KLHL4: variants seen among roughly 807,000 people sequenced by gnomAD.
KLHL4 encodes the protein kelch-like protein 4.
Under a neutral mutation model 45.8 loss-of-function variants are expected in KLHL4, and 17 were observed. The observed-to-expected ratio is 0.37, with a 90% CI of 0.25 to 0.56. The LOEUF is 0.56. KLHL4 is among the 20% of genes least tolerant of loss of function. The probability of loss-of-function intolerance (pLI) is 0.79; values close to 1 mark genes in which losing one functional copy is unlikely to be tolerated. For synonymous variants in KLHL4, 224 were observed against 189.9 expected (o/e 1.18, Z -1.47); for missense variants, 544 against 544.9 (o/e 1.00, Z 0.02).
At chrX:87,567,795 G>C (rs759223719) in intron 1 of KLHL4, among the ~76,000 whole-genome samples, 1 of 109,454 alleles carries the variant, frequency 9.1e-6, no homozygotes, top group African/African-American at 3.3e-5. Context: ...ATGGACACTG[G>C]GGACTTCTGG....
At chrX:87,562,817 A>G (rs897194725) in intron 1 of KLHL4, among the ~76,000 whole-genome samples, 38 of 111,747 alleles carry the variant, frequency 3.4e-4, no homozygotes, top group Non-Finnish European at 6.6e-4. Flanking sequence ...GTGAAAACAA[A>G]TAGTGTGCTG....
At chrX:87,625,014 G>A (rs970550452) in intron 5 of KLHL4, among the ~76,000 whole-genome samples, 1 of 112,471 alleles carries the variant, frequency 8.9e-6, no homozygotes, top group Non-Finnish European at 1.9e-5. Context: ...ATTGCTACTT[G>A]TATTAGCCAC....
At position 87,518,034 on chromosome X, in the gene KLHL4, G is replaced by A. The variant is rs1176580592; in HGVS notation, c.141G>A (p.Pro47=). The change falls in exon 1 of 11, where the codon CCG becomes CCA. Residue 47 remains proline, a synonymous_variant. Transcript: ENST00000373119. The stretch of plus-strand genomic sequence containing the variant: ...AAGGATATGAGCATAGAGGGACCCC[G>A]GTTCAGGGCAGGTTGAAGAGCCACT... ...QQEGYEHRGT[P]VQGRLKSHSR... is the part of the protein sequence containing the mutation. 2 of 1,209,578 alleles carry A rather than the reference G, an allele frequency of 1.7e-6. No homozygotes were observed.
intron 1 of KLHL4, among the ~76,000 whole-genome samples, chrX:87,589,859 G>T (rs1019490931): frequency 6.5e-5 from 6 of 92,202 alleles, no homozygotes; most frequent in Non-Finnish European, 1.1e-4. Context: ...GAGAAACCCC[G>T]TCTCTACTAA....
rs1468194518 is a variant in KLHL4 at position 87,622,360 on chromosome X, G to A, written c.1074G>A (p.Gln358=). Residue 358 remains glutamine, a synonymous_variant, in exon 5 of 11, where the codon CAG becomes CAA. Transcript: ENST00000373119. The part of the protein sequence containing the change: ...ALMQWVGHDV[Q]NRQGELGMLL... ...TGCAGTGGGTGGGGCATGATGTGCA[G>A]AATAGGCAAGGAGAACTGGGGATGC... 2 of 1,207,616 alleles carry A rather than the reference G, an allele frequency of 1.7e-6. No individual in the cohort carries two copies. Among genetic ancestry groups the A allele is most frequent in the Non-Finnish European group, 2.2e-6 (2 of 893,837 alleles).
rs1930920581 is a variant in KLHL4, at chrX:87,517,975, G to A, written c.82G>A (p.Gly28Ser). 8.3e-7 allele frequency: 1 copy of A among 1,209,707 alleles called. No homozygotes were observed. The highest frequency in any genetic ancestry group is 2.2e-5 in the Admixed American group (1 of 45,648). ...RWRWFSHPFQ[G>S]STNTGSCLQQ... is the part of the protein sequence containing the mutation. ...GAGGTGGTTTAGTCATCCTTTTCAA[G>A]GTTCCACCAACACTGGAAGCTGTCT... The change falls in exon 1 of 11, where the codon GGT becomes AGT. Residue 28 changes from glycine (G) to serine (S), a missense_variant. Physicochemically the swap from Gly to Ser is moderately conservative, Grantham distance 56 (BLOSUM62 0). Coordinates refer to ENST00000373119, the MANE Select transcript of KLHL4 (RefSeq NM_019117.5).
chrX:87,638,610 A>G (rs1923346771), intron 9 of KLHL4, among the ~76,000 whole-genome samples: 1 of 111,863 alleles, frequency 8.9e-6, no homozygotes, highest in Non-Finnish European at 1.9e-5. Context: ...AAATGAAGGA[A>G]AGATAGAGTC....
intron 1 of KLHL4, among the ~76,000 whole-genome samples, chrX:87,534,884 G>T (rs5967846): frequency 0.26 from 28,982 of 110,900 alleles, 3,071 homozygotes; most frequent in East Asian, 0.52. Context: ...TTATGAATCT[G>T]ATAAAGAGAT....
chrX:87,591,006 G>A (rs952650749), intron 1 of KLHL4, among the ~76,000 whole-genome samples: 6 of 111,841 alleles, frequency 5.4e-5, no homozygotes, highest in Non-Finnish European at 1.1e-4. Flanking sequence ...TATGTACTCA[G>A]TAGAGAGATT....
intron 9 of KLHL4, among the ~76,000 whole-genome samples, chrX:87,640,097 A>G (rs1923403292): frequency 9.0e-6 from 1 of 111,283 alleles, no homozygotes; most frequent in Non-Finnish European, 1.9e-5. Flanking sequence ...CCTAGAGGTG[A>G]TGGATAAATT....
intron 3 of KLHL4, among the ~76,000 whole-genome samples, chrX:87,616,407 A>C (rs937315587): frequency 1.3e-4 from 15 of 111,912 alleles, no homozygotes; most frequent in Admixed American, 2.9e-4. Context: ...TATGCTCTAA[A>C]ATTTCAATAA....
chrX:87,531,415 C>A (rs1009416767), intron 1 of KLHL4, among the ~76,000 whole-genome samples: 1 of 111,289 alleles, frequency 9.0e-6, no homozygotes, highest in African/African-American at 3.3e-5. Context: ...ACGTTTAAGT[C>A]TTTAATCCAC....
chrX:87,615,455 C>G (rs5969271), intron 3 of KLHL4, among the ~76,000 whole-genome samples: 41,111 of 109,794 alleles, frequency 0.37, 5,951 homozygotes, highest in Middle Eastern at 0.47. Context: ...AAATAGTTAC[C>G]TTATAACTTA....
chrX:87,641,001 A>C (rs1028864352), intron 9 of KLHL4, among the ~76,000 whole-genome samples: 1 of 112,492 alleles, frequency 8.9e-6, no homozygotes. Context: ...GTTTCAGGTT[A>C]CAAAATTAAT....
At chrX:87,648,914 A>G (rs905706721) in intron 9 of KLHL4, among the ~76,000 whole-genome samples, 1 of 111,643 alleles carries the variant, frequency 9.0e-6, no homozygotes, top group Non-Finnish European at 1.9e-5. Context: ...ATACACTATA[A>G]TACTATAATG....
chrX:87,628,378 C>T (rs1356758937), intron 6 of KLHL4, among the ~76,000 whole-genome samples: 4 of 108,474 alleles, frequency 3.7e-5, no homozygotes, highest in Non-Finnish European at 7.6e-5. Flanking sequence ...AGGGTAAACA[C>T]GTAGTAGCAA....
chrX:87,659,120 T>C (rs1924097172), intron 9 of KLHL4, among the ~76,000 whole-genome samples: 2 of 81,108 alleles, frequency 2.5e-5, no homozygotes, highest in East Asian at 3.7e-4. Flanking sequence ...TTTCTTTTTT[T>C]TTTTTTTTTT....
chrX:87,620,290 G>C (rs1922708297), intron 4 of KLHL4, among the ~76,000 whole-genome samples: 1 of 111,622 alleles, frequency 9.0e-6, no homozygotes, highest in Non-Finnish European at 1.9e-5. Flanking sequence ...TTGAAATTAG[G>C]AGCAAAATAA....
At chrX:87,648,448 G>A (rs886266614) in intron 9 of KLHL4, among the ~76,000 whole-genome samples, 3 of 111,432 alleles carry the variant, frequency 2.7e-5, no homozygotes, top group African/African-American at 9.8e-5. Context: ...TCAGTTGGAA[G>A]TGCAACTCAG....
Sources: gnomAD v4.1 joint callset for allele counts (sites outside exome capture counted in the v4.1 genomes callset) on GRCh38, gnomAD v4.1.1 for gene constraint, MANE v1.5 for transcripts, NCBI Gene and HGNC (gene_info 2026-07-23, HGNC 2026-07-21) for gene names.